The following FRAS1 variants were observed in gnomAD, a reference collection of about 807,000 sequenced individuals.
FRAS1 encodes the protein extracellular matrix organizing protein FRAS1.
Under a neutral mutation model 435.2 loss-of-function variants are expected in FRAS1, and 290 were observed. The ratio of observed to expected loss-of-function variants is 0.67; its 90% CI spans 0.61 to 0.73. The LOEUF is 0.73. Among genes scored for constraint, FRAS1 ranks in the 30% least tolerant of loss-of-function variants. The pLI, the probability that FRAS1 is intolerant of heterozygous loss-of-function variation, is 0.00. For missense variants in FRAS1, 4,860 were observed against 5,001.5 expected, an observed-to-expected ratio of 0.97 and a Z score of 0.85; for synonymous variants, 1,800 against 1,851.0, an observed-to-expected ratio of 0.97 and a Z score of 0.71.
rs531246410 is a variant in FRAS1 at position 78,365,737 on chromosome 4, T to TA, written c.2722+1696dup. Among the ~76,000 whole-genome samples the TA allele has an allele frequency of 7.5e-3, 985 of 131,906 alleles. 22 individuals are homozygous for TA. The highest frequency in any genetic ancestry group is 0.021 in the African/African-American group (710 of 33,616). 86.5% of individuals were successfully genotyped at this position (131,906 alleles called of 152,430 possible). On this transcript the variant is annotated intron_variant, in intron 22 of 73. Coordinates refer to ENST00000512123, the MANE Select transcript of FRAS1 (RefSeq NM_025074.7). ...TGGGATATTTGAGTTTCTAGTACATTAAAAAAAAAAAAACAAAAAAAAAAA... is the reference window on the plus strand; with the variant it reads ...TGGGATATTTGAGTTTCTAGTACATTAAAAAAAAAAAAAACAAAAAAAAAAA...
At chr4:78,330,821 G>C (rs1729918300) in intron 18 of FRAS1, among the ~76,000 whole-genome samples, 1 of 152,174 alleles carries the variant, frequency 6.6e-6, no homozygotes, top group Non-Finnish European at 1.5e-5. Flanking sequence ...CGGTCCTGTG[G>C]TCCTGTGACC....
chr4:78,237,562 A>G lies in FRAS1; in HGVS notation c.161A>G (p.Asp54Gly), dbSNP rs201949970. The change falls in exon 3 of 74, where the codon GAT becomes GGT. Residue 54 changes from aspartate to glycine, a missense_variant. Physicochemically the swap from Asp to Gly is moderately conservative, Grantham distance 94. Coordinates refer to ENST00000512123, the MANE Select transcript of FRAS1 (RefSeq NM_025074.7). Reference protein sequence around the residue: ...DSCQSCRCHGDIVICKPAVCR... With the variant: ...DSCQSCRCHGGIVICKPAVCR... ...TGCCAGAGCTGCCGTTGCCATGGTG[A>G]TATTGTTATCTGCAAACCTGCTGTT... is the stretch of plus-strand genomic sequence containing the variant. The G allele has an allele frequency of 5.0e-6, 8 of 1,613,254 alleles. No homozygotes were observed. The highest frequency in any genetic ancestry group is 6.8e-6 in the Non-Finnish European group (8 of 1,179,532).
At chr4:78,371,286 G>A (rs192503090) in intron 23 of FRAS1, among the ~76,000 whole-genome samples, 10 of 152,188 alleles carry the variant, frequency 6.6e-5, no homozygotes, top group African/African-American at 1.7e-4. Context: ...TTGGAAGCAC[G>A]TGTACTGTCT....
At chr4:78,118,949 C>A (rs1718843660) in intron 2 of FRAS1, among the ~76,000 whole-genome samples, 1 of 152,202 alleles carries the variant, frequency 6.6e-6, no homozygotes, top group Admixed American at 6.5e-5. Flanking sequence ...TCCTATTCAG[C>A]CATCTTGGCT....
At chr4:78,263,554 C>T (rs541192139) in intron 6 of FRAS1, among the ~76,000 whole-genome samples, 40 of 152,284 alleles carry the variant, frequency 2.6e-4, no homozygotes, top group African/African-American at 8.4e-4. Context: ...TCCTGTTTGT[C>T]TGACATTGTG....
intron 38 of FRAS1, 36 bp downstream of exon 38, chr4:78,432,640 G>A (rs140184085): frequency 1.5e-5 from 23 of 1,522,730 alleles, no homozygotes; most frequent in East Asian, 1.1e-4. Context: ...GTTCTCCACC[G>A]CCGCATCTTC....
At chr4:78,115,983 G>A (rs76322983) in intron 2 of FRAS1, among the ~76,000 whole-genome samples, 7 of 152,170 alleles carry the variant, frequency 4.6e-5, no homozygotes, top group East Asian at 1.9e-4. Context: ...ATAAATTTCC[G>A]TCTACACACT....
At chr4:78,375,950 A>C in intron 26 of FRAS1, 71 bp downstream of exon 26, 1 of 1,535,184 alleles carries the variant, frequency 6.5e-7, no homozygotes, top group East Asian at 2.3e-5. Context: ...GAGTTTGCAG[A>C]CATAATTGAC....
intron 67 of FRAS1, among the ~76,000 whole-genome samples, chr4:78,520,815 C>A (rs1721364068): frequency 6.6e-6 from 1 of 152,202 alleles, no homozygotes; most frequent in East Asian, 1.9e-4. Flanking sequence ...GTAGTCCTTT[C>A]TTCTGTGAAA....
intron 15 of FRAS1, among the ~76,000 whole-genome samples, chr4:78,312,935 G>C (rs1729093553): frequency 6.6e-6 from 1 of 151,938 alleles, no homozygotes. Context: ...ATATTACATT[G>C]GAGTTATAGA....
chr4:78,537,644 T>C (rs1721925172), intron 72 of FRAS1, among the ~76,000 whole-genome samples: 1 of 152,176 alleles, frequency 6.6e-6, no homozygotes, highest in South Asian at 2.1e-4. Context: ...CAAGTTTTGA[T>C]TTAGTATCAA....
Position 78,421,922 on chromosome 4 carries a change from A to G in FRAS1, c.4600A>G (p.Ile1534Val). Residue 1534 changes from isoleucine (I) to valine (V), a missense_variant, in exon 34 of 74, where the codon ATT (isoleucine) becomes GTT (valine). Physicochemically the swap from Ile to Val is conservative, Grantham distance 29. Coordinates refer to ENST00000512123, the MANE Select transcript of FRAS1 (RefSeq NM_025074.7). ...TATCCGGTATTTCACGCAAGAGGAT[A>G]TTAACCAGGGCAAAGTCATGTACCG... ...SPIRYFTQEDINQGKVMYRPP... is the reference protein window; with the variant it reads ...SPIRYFTQEDVNQGKVMYRPP... The G allele has an allele frequency of 6.2e-7, 1 of 1,613,848 alleles. No individual in the cohort carries two copies. Among genetic ancestry groups the G allele is most frequent in the Non-Finnish European group, 8.5e-7 (1 of 1,179,826 alleles).
intron 31 of FRAS1, among the ~76,000 whole-genome samples, chr4:78,411,108 A>ATT (rs369399937): frequency 0.3 from 41,838 of 141,812 alleles, 6,918 homozygotes; most frequent in Non-Finnish European, 0.37. Context: ...AGTTGCATGG[A>ATT]TTTTTTTTCT....
At chr4:78,291,858 T>A (rs1002592145) in intron 14 of FRAS1, among the ~76,000 whole-genome samples, 2 of 152,182 alleles carry the variant, frequency 1.3e-5, no homozygotes, top group Non-Finnish European at 2.9e-5. Context: ...ACGTAAAGAA[T>A]CAAACAACTG....
At chr4:78,468,073 C>T (rs1719588757) in intron 50 of FRAS1, among the ~76,000 whole-genome samples, 1 of 152,152 alleles carries the variant, frequency 6.6e-6, no homozygotes, top group African/African-American at 2.4e-5. Context: ...AGCCTTTTAA[C>T]TTGATGTGAT....
chr4:78,518,454 T>TATATATATATATATATATATA (rs1560423230), intron 66 of FRAS1, among the ~76,000 whole-genome samples: 2 of 100,896 alleles, frequency 2.0e-5, no homozygotes, highest in African/African-American at 8.3e-5. Context: ...ATATATATAT[T>TATATATATATATATATATATA]TATTTATTTA....
intron 12 of FRAS1, among the ~76,000 whole-genome samples, chr4:78,283,889 CTA>C (rs1345864051): frequency 6.6e-6 from 1 of 152,158 alleles, no homozygotes. Context: ...ATAATTACCA[CTA>C]AATTCAGTGA....
intron 2 of FRAS1, among the ~76,000 whole-genome samples, chr4:78,093,063 T>G (rs1321321458): frequency 6.6e-6 from 1 of 152,230 alleles, no homozygotes; most frequent in African/African-American, 2.4e-5. Context: ...TGATTTTCAT[T>G]CAAAGTTACC....
Position 78,400,815 on chromosome 4 carries a change from T to C in FRAS1, c.4057T>C (p.Leu1353=). Residue 1353 remains leucine (L), a synonymous_variant, in exon 30 of 74, where the codon TTA becomes CTA. Coordinates refer to ENST00000512123, the MANE Select transcript of FRAS1 (RefSeq NM_025074.7). ...GATGCTGCAGATCACCAACAGAATC[T>C]TACAGGCCGAGGCTCCTGGTGCCAG... ...GGMLQITNRI[L]QAEAPGASAE... 3 of 1,613,782 alleles carry C rather than the reference T, an allele frequency of 1.9e-6. No homozygotes were observed. The highest frequency in any genetic ancestry group is 2.5e-6 in the Non-Finnish European group (3 of 1,179,794).
Sources: allele counts gnomAD v4.1 joint callset (sites outside exome capture counted in the v4.1 genomes callset), GRCh38; gene constraint gnomAD v4.1.1; transcripts MANE v1.5; gene names NCBI Gene and HGNC (gene_info 2026-07-23, HGNC 2026-07-21).